ANK1: variants seen among roughly 807,000 people sequenced by gnomAD.
ANK1 encodes ankyrin 1, also known as ankyrin-1.
Under a neutral mutation model 210.4 loss-of-function variants are expected in ANK1, and 51 were observed. The ratio of observed to expected loss-of-function variants is 0.24; its 90% CI spans 0.19 to 0.31. The LOEUF is 0.31. Ranked by LOEUF, ANK1 falls within the 10% of genes least tolerant of loss-of-function variation. The pLI is 1.00. For synonymous variants in ANK1, 967 were observed against 1,025.9 expected (o/e 0.94, Z 1.10); for missense variants, 2,051 against 2,504.4 (o/e 0.82, Z 3.86).
chr8:41,710,154 C>T (rs575540076), intron 16 of ANK1, among the ~76,000 whole-genome samples: 8 of 152,266 alleles, frequency 5.3e-5, no homozygotes, highest in African/African-American at 1.9e-4. Context: ...TTCTGGAGCA[C>T]ACTCCTTATC....
At chr8:41,756,194 G>C (rs1319350305) in intron 2 of ANK1, among the ~76,000 whole-genome samples, 1 of 152,108 alleles carries the variant, frequency 6.6e-6, no homozygotes, top group Non-Finnish European at 1.5e-5. Flanking sequence ...CCAGGCTGGA[G>C]TGTAGTGGCA....
exon 1 of ANK1, chr8:41,896,523 C>A (rs1820562427): frequency 1.3e-6 from 2 of 1,555,684 alleles, no homozygotes; most frequent in Non-Finnish European, 8.7e-7. Context: ...GGACCCCTAG[C>A]GCTCAGCGAT....
upstream of ANK1, among the ~76,000 whole-genome samples, chr8:41,802,147 G>A (rs1248636505): frequency 3.9e-5 from 6 of 152,030 alleles, no homozygotes; most frequent in South Asian, 4.2e-4. Context: ...TCACCACCAC[G>A]CCTGGCTAAT....
chr8:41,794,697 T>TTTTG (rs1034816130), intron 1 of ANK1, among the ~76,000 whole-genome samples: 106 of 152,134 alleles, frequency 7.0e-4, no homozygotes, highest in East Asian at 2.1e-3. Flanking sequence ...TGTTAAAGGT[T>TTTTG]TTTGTTTGTT....
In ANK1 at chr8:41,684,483, G is replaced by A. The variant is rs1372766895; in HGVS notation, c.4537+61C>T. 1.9e-6 allele frequency: 3 copies of A among 1,604,118 alleles called. No individual in the cohort carries two copies. The African/African-American group carries it at 4.0e-5, about 21-fold the overall frequency. On this transcript the variant is annotated intron_variant, in intron 37 of 42. Transcript: ENST00000289734. ...GACGTATTGTGGGAAGGGGTTATTG[G>A]TGCTGATGCCTGTAGGGCAGGGCTC... is the stretch of plus-strand genomic sequence containing the variant.
At position 41,745,042 on chromosome 8, in the gene ANK1, GAGAA is replaced by G. The variant is rs571808610; in HGVS notation, c.130-10977_130-10974del. Among the ~76,000 whole-genome samples the G allele has an allele frequency of 3.7e-3, 559 of 152,258 alleles. 2 individuals are homozygous for G. The highest frequency in any genetic ancestry group is 0.012 in the African/African-American group (516 of 41,536). On this transcript the variant is annotated intron_variant, in intron 2 of 42. Coordinates refer to ENST00000289734, the MANE Select transcript of ANK1 (RefSeq NM_000037.4). ...TCTTCCTGGAGAGATTTCTGAACCA[GAGAA>G]AGAGAGACAGAAAAAGGTGGAGGGG...
At chr8:41,805,550 T>C (rs1850839371) in intron 1 of ANK1, among the ~76,000 whole-genome samples, 1 of 152,136 alleles carries the variant, frequency 6.6e-6, no homozygotes, top group East Asian at 1.9e-4. Flanking sequence ...CTCAGTCCCA[T>C]AGAGCTTTTT....
chr8:41,807,390 C>A (rs781258047), intron 1 of ANK1, among the ~76,000 whole-genome samples: 9 of 152,166 alleles, frequency 5.9e-5, no homozygotes, highest in Non-Finnish European at 1.2e-4. Flanking sequence ...CTTTGAGTCA[C>A]TTATAGTTTA....
Position 41,725,805 on chromosome 8 carries a change from C to A in ANK1, c.568G>T (p.Ala190Ser), listed in dbSNP as rs960131521. 3.7e-6 allele frequency: 6 copies of A among 1,611,872 alleles called. No individual in the cohort carries two copies. Among genetic ancestry groups the A allele is most frequent in the Non-Finnish European group, 5.1e-6 (6 of 1,179,774 alleles). The change falls in exon 6 of 43, where the codon GCG becomes TCG. Residue 190 changes from alanine to serine, a missense_variant. Around this residue, in one of 6 missense-constraint regions of ANK1, gnomAD observed 1,413 missense variants for 1,707.4 expected, o/e 0.83. Transcript: ENST00000289734. ...AARNDDTRTA[A>S]VLLQNDPNPD... ...TTGGGGTCGTTCTGCAGCAGCACCG[C>A]AGCCGTGCGCGTGTCGTCGTTGCGG...
chr8:41,865,393 T>G (rs1185529447), intron 1 of ANK1, among the ~76,000 whole-genome samples: 2 of 151,998 alleles, frequency 1.3e-5, no homozygotes, highest in Non-Finnish European at 2.9e-5. Context: ...GTGCCCACCA[T>G]GCCTAACACA....
chr8:41,761,646 T>G (rs936657927), intron 1 of ANK1, among the ~76,000 whole-genome samples: 1 of 152,092 alleles, frequency 6.6e-6, no homozygotes, highest in Admixed American at 6.5e-5. Context: ...ACAGCAACCA[T>G]GGGAAACTCA....
intron 31 of ANK1, among the ~76,000 whole-genome samples, chr8:41,692,139 C>G (rs893913162): frequency 6.6e-6 from 1 of 151,986 alleles, no homozygotes; most frequent in African/African-American, 2.4e-5. Context: ...TCACTGCAAC[C>G]TCTGCCTCCC....
At chr8:41,838,803 G>A (rs1318672631) in intron 1 of ANK1, among the ~76,000 whole-genome samples, 3 of 86,692 alleles carry the variant, frequency 3.5e-5, no homozygotes, top group Admixed American at 1.0e-4. Context: ...AAGGCCGGGC[G>A]CGGTGGCTCA....
intron 1 of ANK1, among the ~76,000 whole-genome samples, chr8:41,768,800 CA>C (rs34057212): frequency 0.79 from 103,407 of 130,614 alleles, 40,610 homozygotes; most frequent in East Asian, 0.86. Context: ...CCTGTCTCCA[CA>C]AAAAAAAAAA....
chr8:41,871,143 C>T (rs2150825056), intron 1 of ANK1, among the ~76,000 whole-genome samples: 1 of 152,308 alleles, frequency 6.6e-6, no homozygotes, highest in South Asian at 2.1e-4. Flanking sequence ...GGAGGGAACA[C>T]TGCACAGGTC....
chr8:41,732,918 A>C (rs1192671468), intron 3 of ANK1, among the ~76,000 whole-genome samples: 2 of 151,638 alleles, frequency 1.3e-5, no homozygotes, highest in African/African-American at 4.9e-5. Context: ...TTGTATTTTT[A>C]GTAGAGACGG....
chr8:41,839,004 A>C (rs1319236423), intron 1 of ANK1, among the ~76,000 whole-genome samples: 3 of 150,464 alleles, frequency 2.0e-5, no homozygotes, highest in Non-Finnish European at 3.0e-5. Context: ...TTGAACCCAG[A>C]AGGTGGAGGT....
At chr8:41,798,646 C>T (rs1254520972), upstream of ANK1, among the ~76,000 whole-genome samples, 3 of 152,204 alleles carry the variant, frequency 2.0e-5, no homozygotes, top group Non-Finnish European at 4.4e-5. Flanking sequence ...GCAGAGGGAA[C>T]AGGTGACCCC....
At chr8:41,711,985 T>C (rs1396569263) in intron 16 of ANK1, among the ~76,000 whole-genome samples, 2 of 151,966 alleles carry the variant, frequency 1.3e-5, no homozygotes, top group Non-Finnish European at 2.9e-5. Context: ...AGTGCAGTGG[T>C]GAGACCTTGG....
Sources: allele counts gnomAD v4.1 joint callset (sites outside exome capture counted in the v4.1 genomes callset), GRCh38; gene constraint gnomAD v4.1.1; regional missense constraint gnomAD v4.1.1; transcripts MANE v1.5; gene names NCBI Gene and HGNC (gene_info 2026-07-23, HGNC 2026-07-21).